JPH3: variants seen among roughly 807,000 people sequenced by gnomAD.
JPH3 encodes the protein junctophilin 3.
A neutral mutation model predicts 59.6 loss-of-function variants in JPH3; 11 were observed. The ratio of observed to expected loss-of-function variants is 0.18; its 90% CI spans 0.12 to 0.31. The LOEUF (loss-of-function observed/expected upper bound fraction) is 0.31. JPH3 is among the 10% of genes least tolerant of loss of function. JPH3 has a pLI of 1.00. For missense variants in JPH3, 1,202 were observed against 1,105.7 expected (o/e 1.09, Z -1.24); for synonymous variants, 673 against 483.6 (o/e 1.39, Z -5.14).
chr16:87,624,641 A>G (rs1338409341), intron 1 of JPH3, among the ~76,000 whole-genome samples: 3 of 152,086 alleles, frequency 2.0e-5, no homozygotes, highest in African/African-American at 7.2e-5. Flanking sequence ...GGCTGTTTCC[A>G]CCTGGGGGCT....
intron 2 of JPH3, among the ~76,000 whole-genome samples, chr16:87,667,605 T>G (rs1474120344): frequency 6.6e-6 from 1 of 152,084 alleles, no homozygotes; most frequent in Non-Finnish European, 1.5e-5. Flanking sequence ...GACACCTGGG[T>G]CTTAGTCCTC....
chr16:87,654,772 A>G (rs2032438193), intron 2 of JPH3: 2 of 152,250 alleles, frequency 1.3e-5, no homozygotes, highest in South Asian at 4.1e-4. Flanking sequence ...GGGCTTCTCC[A>G]GCAGCACCTC....
intron 1 of JPH3, among the ~76,000 whole-genome samples, chr16:87,606,978 G>A (rs1045560694): frequency 2.0e-5 from 3 of 152,176 alleles, no homozygotes; most frequent in African/African-American, 7.2e-5. Context: ...GGTGTGGGTT[G>A]GGAGGAACCA....
At chr16:87,685,204 C>T (rs2033387911) in intron 3 of JPH3, among the ~76,000 whole-genome samples, 1 of 152,226 alleles carries the variant, frequency 6.6e-6, no homozygotes. Flanking sequence ...TGACCGTCCG[C>T]CACCACTCCA....
intron 1 of JPH3, among the ~76,000 whole-genome samples, chr16:87,624,417 G>T (rs1291570521): frequency 6.6e-6 from 1 of 152,204 alleles, no homozygotes; most frequent in East Asian, 1.9e-4. Flanking sequence ...TACGCTGAGA[G>T]GCCTTTTGTG....
At chr16:87,671,882 A>T (rs1464112798) in intron 2 of JPH3, among the ~76,000 whole-genome samples, 1 of 152,218 alleles carries the variant, frequency 6.6e-6, no homozygotes, top group Non-Finnish European at 1.5e-5. Context: ...CAGGACAGTA[A>T]AAAGGCGAAC....
rs535681924 is a variant in JPH3 at position 87,640,510 on chromosome 16, C to G, written c.383-3748C>G. Among the ~76,000 whole-genome samples the G allele has an allele frequency of 2.6e-5, 4 of 151,924 alleles. No homozygotes were observed. In the South Asian group the frequency reaches 8.4e-4, roughly 32 times the overall value. On this transcript the variant is annotated intron_variant, in intron 1 of 4. Transcript: ENST00000284262. ...GGTTCAAGTGATCCTCCTGCCTCAG[C>G]CTCTTGAGTACCTGGGATTACAGGC...
At chr16:87,696,247 G>C (rs1322781349) in intron 4 of JPH3, 52 of 451,348 alleles carry the variant, frequency 1.2e-4, no homozygotes, top group Non-Finnish European at 3.3e-5. Flanking sequence ...CACGCACCGA[G>C]ACGTTTGCTT....
intron 3 of JPH3, among the ~76,000 whole-genome samples, chr16:87,688,410 A>C (rs1401792688): frequency 6.6e-6 from 1 of 152,066 alleles, no homozygotes; most frequent in East Asian, 1.9e-4. Context: ...AAACGGAGGG[A>C]CTATCTGGTG....
chr16:87,679,492 A>G (rs2033232211), intron 2 of JPH3, among the ~76,000 whole-genome samples: 1 of 152,176 alleles, frequency 6.6e-6, no homozygotes, highest in Non-Finnish European at 1.5e-5. Flanking sequence ...AAGCCCATTA[A>G]AATAATTGCA....
At position 87,687,832 on chromosome 16, in the gene JPH3, G is replaced by T. The variant is rs577895592; in HGVS notation, c.1286-1814G>T. Among the ~76,000 whole-genome samples the T allele has an allele frequency of 2.1e-4, 32 of 152,336 alleles. No homozygotes were observed. In the South Asian group the frequency reaches 6.0e-3, roughly 29 times the overall value. On this transcript the variant is annotated intron_variant, in intron 3 of 4. Coordinates refer to ENST00000284262, the MANE Select transcript of JPH3 (RefSeq NM_020655.4). ...AGTGGGTGGACGACCTGGTGGGAAA[G>T]GCCGGGGCGCCATCGGGGGATGGGG...
chr16:87,675,262 CT>C (rs1051709788), intron 2 of JPH3, among the ~76,000 whole-genome samples: 2 of 151,308 alleles, frequency 1.3e-5, no homozygotes, highest in Non-Finnish European at 2.9e-5. Flanking sequence ...CTCTCTTCCC[CT>C]TGCCAACTCC....
chr16:87,694,631 G>C (rs935431618), intron 4 of JPH3: 1 of 152,552 alleles, frequency 6.6e-6, no homozygotes, highest in Non-Finnish European at 1.5e-5. Flanking sequence ...GACTTCATGC[G>C]GGATGTCTGC....
At chr16:87,671,928 T>G (rs1233498338) in intron 2 of JPH3, among the ~76,000 whole-genome samples, 1 of 152,110 alleles carries the variant, frequency 6.6e-6, no homozygotes, top group African/African-American at 2.4e-5. Context: ...CTAAAACCAG[T>G]TTTTAGATAA....
At chr16:87,681,797 G>C (rs1272419024) in intron 2 of JPH3, among the ~76,000 whole-genome samples, 1 of 152,216 alleles carries the variant, frequency 6.6e-6, no homozygotes, top group Non-Finnish European at 1.5e-5. Context: ...CGGGGAGCTT[G>C]GAGCCTGCTT....
chr16:87,677,179 TATATATACACACACAC>T (rs1567610671), intron 2 of JPH3, among the ~76,000 whole-genome samples: 4 of 72,686 alleles, frequency 5.5e-5, no homozygotes, highest in African/African-American at 2.7e-4. Context: ...ACGCACTATA[TATATATACACACACAC>T]ACACACACAC....
In JPH3 at chr16:87,645,091, C is replaced by T. The variant is rs1052298036; in HGVS notation, c.1160+56C>T. ...TTGGTGCCCAGAAGGTGTTTGTGAG[C>T]CCAGTCTGTTCAGTCCTGCTGTCGC... On this transcript the variant is annotated intron_variant, in intron 2 of 4. Transcript: ENST00000284262. 189 of 1,532,376 alleles carry T rather than the reference C, an allele frequency of 1.2e-4. 1 individual carries two copies. Among genetic ancestry groups the T allele is most frequent in the Admixed American group, 1.3e-4 (7 of 55,662 alleles). 94.9% of individuals were successfully genotyped at this position (1,532,376 alleles called of 1,614,324 possible).
intron 2 of JPH3, among the ~76,000 whole-genome samples, chr16:87,672,574 C>G (rs899701272): frequency 2.0e-5 from 3 of 152,172 alleles, no homozygotes; most frequent in African/African-American, 7.2e-5. Context: ...ACGGGGCTTG[C>G]TTGAGGTCTG....
At chr16:87,650,384 T>C (rs1567599244) in intron 2 of JPH3, among the ~76,000 whole-genome samples, 3 of 152,168 alleles carry the variant, frequency 2.0e-5, no homozygotes, top group Non-Finnish European at 4.4e-5. Flanking sequence ...TCCCTCTCTC[T>C]CCTCTGGTCT....
Sources: allele counts gnomAD v4.1 joint callset (sites outside exome capture counted in the v4.1 genomes callset), GRCh38; gene constraint gnomAD v4.1.1; transcripts MANE v1.5; gene names NCBI Gene and HGNC (gene_info 2026-07-23, HGNC 2026-07-21).